Variants in IFNAR1 observed in about 807,000 individuals in gnomAD.
The protein encoded by IFNAR1 is interferon alpha/beta receptor 1.
IFNAR1 carries 47 observed loss-of-function variants against 62.1 expected under a neutral mutation model. The observed-to-expected ratio is 0.76, with a 90% CI of 0.60 to 0.97. IFNAR1 has a LOEUF of 0.97. Ranked by LOEUF, IFNAR1 falls within the 50% of genes least tolerant of loss-of-function variation. IFNAR1 has a pLI of 0.00. For synonymous variants in IFNAR1, 219 were observed against 226.9 expected (o/e 0.97, Z 0.31); for missense variants, 638 against 654.5 (o/e 0.97, Z 0.27).
intron 2 of IFNAR1, 81 bp downstream of exon 2, chr21:33,335,728 G>T: frequency 8.5e-7 from 1 of 1,176,102 alleles, no homozygotes; most frequent in Non-Finnish European, 1.2e-6. Flanking sequence ...TTTTAGATTT[G>T]GAAAGTGTTT....
At chr21:33,342,700 A>C (rs1161762673) in intron 3 of IFNAR1, among the ~76,000 whole-genome samples, 3 of 146,066 alleles carry the variant, frequency 2.1e-5, no homozygotes, top group East Asian at 4.1e-4. Flanking sequence ...AAAAAAAAAA[A>C]AAAAAAACTA....
chr21:33,349,092 G>A lies in IFNAR1; in HGVS notation c.790G>A (p.Ala264Thr), dbSNP rs199657118. The change falls in exon 7 of 11, where the codon GCC becomes ACC. Residue 264 changes from alanine (A) to threonine (T), a missense_variant and splice_region_variant. Physicochemically the swap from Ala to Thr is moderately conservative, Grantham distance 58. Transcript: ENST00000270139. ...NMTFQVQWLHAFLKRNPGNHL... is the reference protein window; with the variant it reads ...NMTFQVQWLHTFLKRNPGNHL... ...TTTAAAAAATATTTGTCTTAAAAGC[G>A]CCTTTTTAAAAAGGAATCCTGGAAA... 45 of 1,572,834 alleles carry A rather than the reference G, an allele frequency of 2.9e-5. No homozygotes were observed. Among genetic ancestry groups the A allele is most frequent in the African/African-American group, 4.1e-5 (3 of 73,032 alleles).
Position 33,325,005 on chromosome 21 carries a change from G to A in IFNAR1, c.-51G>A, listed in dbSNP as rs1463141298. The A allele has an allele frequency of 2.0e-6, 3 of 1,510,612 alleles. No homozygotes were observed. The highest frequency in any genetic ancestry group is 4.8e-5 in the East Asian group (2 of 41,328). The allele number at this position is 1,510,612 out of a possible 1,614,324, so 93.6% of individuals were successfully genotyped here. A position where few individuals can be genotyped will look rare whatever the true frequency, so the allele number is the denominator to read the frequency against. ...AGGACGGGGCGATGGCGGCTGAGAG[G>A]AGCTGCGCGTGCGCGAACATGTAAC... On this transcript the variant is annotated 5_prime_UTR_variant, in exon 1 of 11. Coordinates refer to ENST00000270139, the MANE Select transcript of IFNAR1 (RefSeq NM_000629.3).
At chr21:33,324,694 G>T (rs2083105799), upstream of IFNAR1, 1 of 261,252 alleles carries the variant, frequency 3.8e-6, no homozygotes, top group South Asian at 6.7e-5. Flanking sequence ...AGTCGTCCTG[G>T]AATGCGATGG....
chr21:33,349,197 C>T lies in IFNAR1; in HGVS notation c.895C>T (p.Gln299Ter). Reference sequence around the variant, plus strand: ...GTGTGTCTTTCCTCAAAACGTTTTCCAAAAAGGAATTTACCTTCTCCGCGT... The same window carrying T: ...GTGTGTCTTTCCTCAAAACGTTTTCTAAAAAGGAATTTACCTTCTCCGCGT... ...TQCVFPQNVF[Q>*]KGIYLLRVQA... The change falls in exon 7 of 11, where the codon CAA becomes TAA. Residue 299 changes from glutamine to a stop codon, truncating the protein, a stop_gained. Coordinates refer to ENST00000270139, the MANE Select transcript of IFNAR1 (RefSeq NM_000629.3). LOFTEE classifies it high-confidence loss of function. The T allele has an allele frequency of 6.2e-7, 1 of 1,613,124 alleles. No individual in the cohort carries two copies. Among genetic ancestry groups the T allele is most frequent in the Non-Finnish European group, 8.5e-7 (1 of 1,179,430 alleles).
intron 1 of IFNAR1, among the ~76,000 whole-genome samples, chr21:33,329,967 T>A (rs1302254986): frequency 6.6e-6 from 1 of 152,218 alleles, no homozygotes; most frequent in Non-Finnish European, 1.5e-5. Context: ...CAGAATCTGA[T>A]GTAACTATTT....
At chr21:33,327,676 G>A (rs915203427) in intron 1 of IFNAR1, among the ~76,000 whole-genome samples, 3 of 152,130 alleles carry the variant, frequency 2.0e-5, no homozygotes, top group South Asian at 2.1e-4. Flanking sequence ...ATCTGAGACC[G>A]GTCTGAAATC....
intron 5 of IFNAR1, among the ~76,000 whole-genome samples, chr21:33,344,940 A>G (rs1415408367): frequency 6.6e-6 from 1 of 151,996 alleles, no homozygotes; most frequent in Non-Finnish European, 1.5e-5. Context: ...GGCGTGTGCC[A>G]TCATGCCTGG....
chr21:33,328,895 A>G (rs1277902958), intron 1 of IFNAR1, among the ~76,000 whole-genome samples: 1 of 152,150 alleles, frequency 6.6e-6, no homozygotes, highest in Admixed American at 6.5e-5. Context: ...ATATACTAAT[A>G]TAAAACATTT....
Position 33,349,131 on chromosome 21 carries a change from T to C in IFNAR1, c.829T>C (p.Trp277Arg). 2 of 1,611,406 alleles carry C rather than the reference T, an allele frequency of 1.2e-6. No homozygotes were observed. The highest frequency in any genetic ancestry group is 8.5e-7 in the Non-Finnish European group (1 of 1,178,654). Reference sequence around the variant, plus strand: ...GAATCCTGGAAACCATTTGTATAAATGGAAACAAATACCTGACTGTGAAAA... The same window carrying C: ...GAATCCTGGAAACCATTTGTATAAACGGAAACAAATACCTGACTGTGAAAA... ...KRNPGNHLYKWKQIPDCENVK... is the reference protein window; with the variant it reads ...KRNPGNHLYKRKQIPDCENVK... Residue 277 changes from tryptophan (W) to arginine (R), a missense_variant, in exon 7 of 11, where the codon TGG becomes CGG. Physicochemically the swap from Trp to Arg is moderately radical, Grantham distance 101. Coordinates refer to ENST00000270139, the MANE Select transcript of IFNAR1 (RefSeq NM_000629.3).
intron 2 of IFNAR1, among the ~76,000 whole-genome samples, chr21:33,338,558 T>C (rs1199074382): frequency 7.2e-6 from 1 of 138,308 alleles, no homozygotes; most frequent in Non-Finnish European, 1.5e-5. Context: ...CCAACAAATA[T>C]TGAATATATT....
Position 33,335,664 on chromosome 21 carries a change from A to T in IFNAR1, c.200+17A>T. On this transcript the variant is annotated intron_variant, in intron 2 of 10. Transcript: ENST00000270139. ...TTATCAAAAGTATGTGACTCTACTT[A>T]CTGATTTGTCAGAATGACCTGAATA... The T allele has an allele frequency of 6.6e-7, 1 of 1,513,110 alleles. No individual in the cohort carries two copies. The highest frequency in any genetic ancestry group is 8.9e-7 in the Non-Finnish European group (1 of 1,127,096). The allele number at this position is 1,513,110 out of a possible 1,614,324, so 93.7% of individuals were successfully genotyped here.
In IFNAR1 at chr21:33,353,101, G is replaced by A. The variant is rs562251762; in HGVS notation, c.1294+193G>A. On this transcript the variant is annotated intron_variant, in intron 9 of 10. Transcript: ENST00000270139. ...ATTTGTAACGCTTAACTCTCAAGTCGGTGTTGTTGGATGCTTTATATTTCA... is the reference window on the plus strand; with the variant it reads ...ATTTGTAACGCTTAACTCTCAAGTCAGTGTTGTTGGATGCTTTATATTTCA... Among the ~76,000 whole-genome samples the A allele has an allele frequency of 4.6e-5, 7 of 152,100 alleles. No individual in the cohort carries two copies. In the South Asian group the frequency reaches 1.0e-3, roughly 23 times the overall value.
rs552374600 is a variant in IFNAR1 at position 33,331,043 on chromosome 21, C to T, written c.77-4481C>T. 5.3e-5 allele frequency among the ~76,000 whole-genome samples: 8 copies of T among 152,296 alleles called. No homozygotes were observed. In the East Asian group the frequency reaches 7.7e-4, roughly 15 times the overall value. Reference sequence around the variant, plus strand: ...ACTACTTCTGGAGTGTGTCTTGCTTCGGGGACTTGTAGCCATGGCTTCCTT... The same window carrying T: ...ACTACTTCTGGAGTGTGTCTTGCTTTGGGGACTTGTAGCCATGGCTTCCTT... On this transcript the variant is annotated intron_variant, in intron 1 of 10. Transcript: ENST00000270139.
intron 3 of IFNAR1, 92 bp from the exon 4 acceptor site, chr21:33,343,176 G>A: frequency 9.9e-7 from 1 of 1,009,730 alleles, no homozygotes; most frequent in South Asian, 1.5e-5. Flanking sequence ...GAAGTGGCAG[G>A]CACATATTAA....
intron 1 of IFNAR1, among the ~76,000 whole-genome samples, chr21:33,329,715 A>T (rs1474414765): frequency 6.6e-6 from 1 of 152,250 alleles, no homozygotes; most frequent in East Asian, 1.9e-4. Flanking sequence ...GTGAGAGATC[A>T]GTCCTTTATG....
rs1283234962 is a variant in IFNAR1 at position 33,343,660 on chromosome 21, T to C, written c.657T>C (p.His219=). 2 of 1,596,924 alleles carry C rather than the reference T, an allele frequency of 1.3e-6. No individual in the cohort carries two copies. Among genetic ancestry groups the C allele is most frequent in the Admixed American group, 1.8e-5 (1 of 55,450 alleles). ...SWKIGVYSPV[H]CIKTTVENEL... ...AAATTGGTGTCTATAGTCCAGTACA[T>C]TGTATAAAGACCACAGGTAAGGAAG... The change falls in exon 5 of 11, where the codon CAT becomes CAC. Residue 219 remains histidine (H), a synonymous_variant. Coordinates refer to ENST00000270139, the MANE Select transcript of IFNAR1 (RefSeq NM_000629.3).
chr21:33,326,659 C>T (rs965124713), intron 1 of IFNAR1, among the ~76,000 whole-genome samples: 2 of 152,128 alleles, frequency 1.3e-5, no homozygotes, highest in African/African-American at 4.8e-5. Flanking sequence ...TTTATCCTTC[C>T]TTGGGGATTT....
chr21:33,328,572 C>T (rs1400564781), intron 1 of IFNAR1, among the ~76,000 whole-genome samples: 1 of 152,136 alleles, frequency 6.6e-6, no homozygotes, highest in Non-Finnish European at 1.5e-5. Flanking sequence ...TCAAGCTGAT[C>T]CTGAAAGTTA....
Sources: allele counts gnomAD v4.1 joint callset (sites outside exome capture counted in the v4.1 genomes callset), GRCh38; gene constraint gnomAD v4.1.1; transcripts MANE v1.5; gene names NCBI Gene and HGNC (gene_info 2026-07-23, HGNC 2026-07-21).